TBK1: variants seen among roughly 807,000 people sequenced by gnomAD.
TBK1 encodes serine/threonine-protein kinase TBK1.
In TBK1, 37 loss-of-function variants were observed where a neutral mutation model predicts 99.9. The observed-to-expected ratio is 0.37, with a 90% CI of 0.28 to 0.49. The LOEUF (loss-of-function observed/expected upper bound fraction) is 0.49. TBK1 is among the 20% of genes least tolerant of loss of function. The probability of loss-of-function intolerance (pLI) is 0.98; values close to 1 mark genes in which losing one functional copy is unlikely to be tolerated. For missense variants in TBK1, 644 were observed against 872.5 expected, an observed-to-expected ratio of 0.74 and a Z score of 3.30; for synonymous variants, 258 against 279.8, an observed-to-expected ratio of 0.92 and a Z score of 0.78.
In TBK1 at chr12:64,485,973, A is replaced by G; in HGVS notation, c.1296A>G (p.Leu432=). ...ATGCCTGCAGAATTGCCAGTACCTT[A>G]CTGCTTTATCAGGAATTAATGCGAA... ...VCYACRIAST[L]LLYQELMRKG... is the part of the protein sequence containing the mutation. The change falls in exon 11 of 21, where the codon TTA becomes TTG. Residue 432 remains leucine, a synonymous_variant. Coordinates refer to ENST00000331710, the MANE Select transcript of TBK1 (RefSeq NM_013254.4). The G allele has an allele frequency of 6.3e-7, 1 of 1,594,530 alleles. No individual in the cohort carries two copies. The highest frequency in any genetic ancestry group is 8.5e-7 in the Non-Finnish European group (1 of 1,171,568).
chr12:64,491,724 T>C (rs1293557017), intron 13 of TBK1, among the ~76,000 whole-genome samples: 2 of 152,268 alleles, frequency 1.3e-5, no homozygotes, highest in African/African-American at 2.4e-5. Context: ...AGGAACTTGA[T>C]ACGATATCCT....
intron 20 of TBK1, 61 bp downstream of exon 20, chr12:64,498,100 A>G: frequency 7.4e-7 from 1 of 1,350,906 alleles, no homozygotes. Flanking sequence ...TCACATCTGT[A>G]CTTATATCTT....
intron 3 of TBK1, among the ~76,000 whole-genome samples, chr12:64,460,538 G>T (rs962488416): frequency 6.6e-6 from 1 of 152,008 alleles, no homozygotes; most frequent in African/African-American, 2.4e-5. Flanking sequence ...AGAAATAAAA[G>T]GGGGCGGCCG....
chr12:64,457,198 G>A (rs11175398), intron 2 of TBK1, among the ~76,000 whole-genome samples: 63,933 of 151,970 alleles, frequency 0.42, 16,040 homozygotes, highest in Non-Finnish European at 0.56. Context: ...TGAGATAAGC[G>A]TACATGGGGG....
At chr12:64,463,229 G>A (rs1032096136) in intron 3 of TBK1, among the ~76,000 whole-genome samples, 42 of 152,092 alleles carry the variant, frequency 2.8e-4, no homozygotes, top group African/African-American at 9.9e-4. Flanking sequence ...AAAATTAGCC[G>A]GGTGTGGTGG....
intron 1 of TBK1, 102 bp from the exon 2 acceptor site, chr12:64,455,738 C>G: frequency 3.2e-6 from 2 of 629,888 alleles, no homozygotes; most frequent in South Asian, 4.0e-5. Context: ...ATGTCAGTAA[C>G]AGATAATGGG....
At chr12:64,465,825 T>C (rs1262755785) in intron 4 of TBK1, among the ~76,000 whole-genome samples, 1 of 152,194 alleles carries the variant, frequency 6.6e-6, no homozygotes, top group African/African-American at 2.4e-5. Context: ...ACAAAAGTAT[T>C]CTGAAATCAG....
Position 64,475,679 on chromosome 12 carries a change from T to C in TBK1, c.701+1289T>C, listed in dbSNP as rs146962180. On this transcript the variant is annotated intron_variant, in intron 6 of 20. Transcript: ENST00000331710. ...AGGTCTCCAGCTGCATCCATGTTGC[T>C]GCAAAGGATATGATTTCATTCTTTT... is the stretch of plus-strand genomic sequence containing the variant. Among the ~76,000 whole-genome samples, 14 of 152,358 alleles carry C rather than the reference T, an allele frequency of 9.2e-5. No homozygotes were observed. In the East Asian group the frequency reaches 2.7e-3, roughly 29 times the overall value.
At chr12:64,490,411 G>GAAT (rs1377672098) in intron 13 of TBK1, among the ~76,000 whole-genome samples, 1 of 152,064 alleles carries the variant, frequency 6.6e-6, no homozygotes, top group Non-Finnish European at 1.5e-5. Context: ...TGCAGAGAAA[G>GAAT]AATTTTTCCC....
intron 16 of TBK1, among the ~76,000 whole-genome samples, chr12:64,496,643 C>T (rs1480364315): frequency 2.0e-5 from 3 of 152,166 alleles, no homozygotes; most frequent in Non-Finnish European, 4.4e-5. Context: ...AGTCAGTCAG[C>T]TTCTGCCTCA....
At chr12:64,497,779 T>C (rs1565825042) in intron 19 of TBK1, 25 bp downstream of exon 19, 2 of 1,518,530 alleles carry the variant, frequency 1.3e-6, no homozygotes, top group Admixed American at 2.0e-5. Context: ...ATTTGGAAAC[T>C]GTAGTGTTTC....
chr12:64,472,163 G>A (rs1442072867), intron 5 of TBK1, among the ~76,000 whole-genome samples: 1 of 151,450 alleles, frequency 6.6e-6, no homozygotes, highest in Non-Finnish European at 1.5e-5. Context: ...GGACACTCAC[G>A]TCAATACCCA....
intron 9 of TBK1, among the ~76,000 whole-genome samples, chr12:64,484,988 AGT>A (rs2040804328): frequency 6.6e-6 from 1 of 152,214 alleles, no homozygotes; most frequent in South Asian, 2.1e-4. Flanking sequence ...CTCTTTAAAA[AGT>A]GTTTTGCTAA....
At chr12:64,467,559 T>C (rs2040619584) in intron 5 of TBK1, among the ~76,000 whole-genome samples, 1 of 152,216 alleles carries the variant, frequency 6.6e-6, no homozygotes, top group Admixed American at 6.5e-5. Flanking sequence ...GTTGAAAAAG[T>C]TTATGTAGGT....
At chr12:64,470,161 G>A (rs2040647240) in intron 5 of TBK1, among the ~76,000 whole-genome samples, 2 of 152,162 alleles carry the variant, frequency 1.3e-5, no homozygotes, top group South Asian at 4.1e-4. Flanking sequence ...AGCCAGATCA[G>A]ACAGGCTAGT....
In TBK1 at chr12:64,474,167, ATTTG is replaced by A. The variant is rs995716764; in HGVS notation, c.541-57_541-54del. The A allele has an allele frequency of 4.6e-5, 67 of 1,456,550 alleles. No individual in the cohort carries two copies. The Admixed American group carries it at 5.2e-4, about 11-fold the overall frequency. The allele number at this position is 1,456,550 out of a possible 1,614,324, so 90.2% of individuals were successfully genotyped here. A position where few individuals can be genotyped will look rare whatever the true frequency, so the allele number is the denominator to read the frequency against. Reference sequence around the variant, plus strand: ...AATTTCTAAGCATTATTGAGTATCCATTTGTTTGTATAATGAAATGGGTCACAGG... The same window carrying A: ...AATTTCTAAGCATTATTGAGTATCCATTTGTATAATGAAATGGGTCACAGG... On this transcript the variant is annotated intron_variant, in intron 5 of 20. Coordinates refer to ENST00000331710, the MANE Select transcript of TBK1 (RefSeq NM_013254.4).
At chr12:64,458,985 A>G (rs2040519389) in intron 2 of TBK1, among the ~76,000 whole-genome samples, 2 of 152,232 alleles carry the variant, frequency 1.3e-5, no homozygotes. Flanking sequence ...GGTGAGGGGA[A>G]TCACATAGGA....
rs563019414 is a variant in TBK1 at position 64,461,259 on chromosome 12, A to G, written c.228+930A>G. Among the ~76,000 whole-genome samples the G allele has an allele frequency of 3.3e-5, 5 of 152,218 alleles. No homozygotes were observed. The South Asian group carries it at 6.2e-4, about 19-fold the overall frequency. ...GTATTTCATGAATAAAAATTTCAAG[A>G]GTCCTACAGTTTAAGATATGAAGTC... is the stretch of plus-strand genomic sequence containing the variant. On this transcript the variant is annotated intron_variant, in intron 3 of 20. Coordinates refer to ENST00000331710, the MANE Select transcript of TBK1 (RefSeq NM_013254.4).
At chr12:64,458,021 A>G (rs1449767312) in intron 2 of TBK1, among the ~76,000 whole-genome samples, 3 of 151,906 alleles carry the variant, frequency 2.0e-5, no homozygotes, top group African/African-American at 7.3e-5. Context: ...CAAGGCAGGT[A>G]GGTTGCTTGT....
Sources: gnomAD v4.1 joint callset for allele counts (sites outside exome capture counted in the v4.1 genomes callset) on GRCh38, gnomAD v4.1.1 for gene constraint, MANE v1.5 for transcripts, NCBI Gene and HGNC (gene_info 2026-07-23, HGNC 2026-07-21) for gene names.